Variants in TCF7L1 observed in about 807,000 individuals in gnomAD.
TCF7L1 encodes the protein transcription factor 7 like 1, also known as transcription factor 7-like 1.
TCF7L1 carries 18 observed loss-of-function variants against 63.7 expected under a neutral mutation model. The observed-to-expected ratio is 0.28, with a 90% CI of 0.20 to 0.42. The LOEUF (loss-of-function observed/expected upper bound fraction) is 0.42. TCF7L1 is among the 10% of genes least tolerant of loss of function. The probability of loss-of-function intolerance (pLI) is 1.00; values close to 1 mark genes in which losing one functional copy is unlikely to be tolerated. For synonymous variants in TCF7L1, 355 were observed against 340.9 expected (o/e 1.04, Z -0.46); for missense variants, 654 against 779.3 (o/e 0.84, Z 1.91).
intron 3 of TCF7L1, among the ~76,000 whole-genome samples, chr2:85,193,517 T>TA (rs1204783245): frequency 1.3e-5 from 2 of 152,156 alleles, no homozygotes; most frequent in African/African-American, 4.8e-5. Flanking sequence ...AGACCTCATG[T>TA]CTATATTTAA....
At chr2:85,141,368 A>G (rs1677733102) in intron 3 of TCF7L1, among the ~76,000 whole-genome samples, 1 of 152,224 alleles carries the variant, frequency 6.6e-6, no homozygotes, top group African/African-American at 2.4e-5. Flanking sequence ...ACATTAGCTC[A>G]GTGCTTCCCA....
intron 3 of TCF7L1, among the ~76,000 whole-genome samples, chr2:85,237,118 T>C (rs879897019): frequency 3.3e-5 from 5 of 152,182 alleles, no homozygotes; most frequent in Admixed American, 3.3e-4. Flanking sequence ...GAGGTGGTGA[T>C]CATTTGGAGC....
intron 3 of TCF7L1, among the ~76,000 whole-genome samples, chr2:85,185,885 A>T (rs1160189238): frequency 6.6e-6 from 1 of 151,190 alleles, no homozygotes; most frequent in East Asian, 1.9e-4. Flanking sequence ...GCCTCATTTA[A>T]CTTGAGACTT....
At chr2:85,278,863 A>G (rs1386432581) in intron 3 of TCF7L1, among the ~76,000 whole-genome samples, 2 of 152,188 alleles carry the variant, frequency 1.3e-5, no homozygotes, top group Non-Finnish European at 2.9e-5. Context: ...TCTATTTTTG[A>G]GCATCCAAAA....
At chr2:85,192,070 G>T (rs1020072594) in intron 3 of TCF7L1, among the ~76,000 whole-genome samples, 1 of 152,180 alleles carries the variant, frequency 6.6e-6, no homozygotes, top group Non-Finnish European at 1.5e-5. Flanking sequence ...CATAGGGCTG[G>T]GTGTTCCAGC....
intron 3 of TCF7L1, among the ~76,000 whole-genome samples, chr2:85,143,817 T>C (rs542545887): frequency 6.6e-6 from 1 of 152,368 alleles, no homozygotes; most frequent in Non-Finnish European, 1.5e-5. Flanking sequence ...GTTCCAACTT[T>C]ACACATTGGA....
chr2:85,224,346 T>C (rs2104304558), intron 3 of TCF7L1, among the ~76,000 whole-genome samples: 1 of 152,330 alleles, frequency 6.6e-6, no homozygotes, highest in Admixed American at 6.5e-5. Context: ...TAGTTCTAGA[T>C]CCTTGAGGAA....
At chr2:85,172,755 T>C (rs968841289) in intron 3 of TCF7L1, among the ~76,000 whole-genome samples, 2 of 152,056 alleles carry the variant, frequency 1.3e-5, no homozygotes, top group Non-Finnish European at 2.9e-5. Context: ...CTTTCACAAC[T>C]GCAGGCTTGC....
chr2:85,133,816 G>C lies in TCF7L1; in HGVS notation c.132G>C (p.Glu44Asp), dbSNP rs1237765135. 4.8e-6 allele frequency: 7 copies of C among 1,471,064 alleles called. No homozygotes were observed. The highest frequency in any genetic ancestry group is 1.5e-5 in the African/African-American group (1 of 68,380). 91.1% of individuals were successfully genotyped at this position (1,471,064 alleles called of 1,614,324 possible). A position where few individuals can be genotyped will look rare whatever the true frequency, so the allele number is the denominator to read the frequency against. The part of the protein sequence containing the change: ...ANDELIPFQD[E>D]GGEEQEPSSD... ...ACGAGCTGATCCCCTTCCAGGACGA[G>C]GGGGGCGAGGAGCAGGAGCCGAGCA... The change falls in exon 1 of 12, where the codon GAG (glutamate) becomes GAC (aspartate). Residue 44 changes from glutamate to aspartate, a missense_variant. Transcript: ENST00000282111. This position sits in a 1 kb window ranked among gnomAD's most constrained non-coding sequence, Gnocchi z 4.4.
At position 85,133,696 on chromosome 2, in the gene TCF7L1, CGGCGGCGGG is replaced by C. The variant is rs1261990618; in HGVS notation, c.21_29del (p.Gly12_Gly14del). ...CCCGCGGCCCCACCATGCCCCAGCT[CGGCGGCGGG>C]GGCGGCGGCGGCGGCGGCGGCAGCG... On this transcript the variant is annotated inframe_deletion, in exon 1 of 12. Transcript: ENST00000282111. The surrounding 1 kb of genome is among the most constrained non-coding windows in gnomAD (Gnocchi z 4.4). 8.0e-6 allele frequency: 8 copies of C among 1,001,256 alleles called. No homozygotes were observed. Among genetic ancestry groups the C allele is most frequent in the Non-Finnish European group, 9.5e-6 (8 of 846,290 alleles). 62.0% of individuals were successfully genotyped at this position (1,001,256 alleles called of 1,614,324 possible).
At chr2:85,275,691 G>A (rs1199665490) in intron 3 of TCF7L1, among the ~76,000 whole-genome samples, 1 of 152,030 alleles carries the variant, frequency 6.6e-6, no homozygotes, top group Admixed American at 6.6e-5. Context: ...GGTGAAGGCG[G>A]GCAGATCACT....
chr2:85,286,786 C>T (rs377390316), intron 4 of TCF7L1, among the ~76,000 whole-genome samples: 7 of 152,138 alleles, frequency 4.6e-5, no homozygotes, highest in Non-Finnish European at 8.8e-5. Flanking sequence ...TGAGCCACTG[C>T]GCCTGGCCAA....
chr2:85,146,497 C>CTTTTTTTTTTTTTTTTTT (rs554058692), intron 3 of TCF7L1, among the ~76,000 whole-genome samples: 10 of 103,612 alleles, frequency 9.7e-5, no homozygotes, highest in Non-Finnish European at 1.5e-4. Context: ...TTCTTTCTTT[C>CTTTTTTTTTTTTTTTTTT]TTTTTTTTTT....
Position 85,172,209 on chromosome 2 carries a change from A to G in TCF7L1, c.441+37759A>G, listed in dbSNP as rs553777789. 2.0e-4 allele frequency among the ~76,000 whole-genome samples: 31 copies of G among 152,216 alleles called. No homozygotes were observed. In the South Asian group the frequency reaches 6.4e-3, roughly 32 times the overall value. ...GTATACCAACAAGCATCAGACAATGATGTTAGGGCCATGGGGTGCCATTGA... is the reference window on the plus strand; with the variant it reads ...GTATACCAACAAGCATCAGACAATGGTGTTAGGGCCATGGGGTGCCATTGA... On this transcript the variant is annotated intron_variant, in intron 3 of 11. Coordinates refer to ENST00000282111, the MANE Select transcript of TCF7L1 (RefSeq NM_031283.3).
At position 85,134,147 on chromosome 2, in the gene TCF7L1, C is replaced by G; in HGVS notation, c.313+68C>G. On this transcript the variant is annotated intron_variant, in intron 2 of 11. Coordinates refer to ENST00000282111, the MANE Select transcript of TCF7L1 (RefSeq NM_031283.3). The surrounding 1 kb of genome is among the most constrained non-coding windows in gnomAD (Gnocchi z 5.0). ...GCGCTCCGCTGCTCAGCCCGGGCGG[C>G]CCACCGTCCCCCTTGCTTGGGTGGA... 6.4e-7 allele frequency: 1 copy of G among 1,571,570 alleles called. No homozygotes were observed. The highest frequency in any genetic ancestry group is 8.6e-7 in the Non-Finnish European group (1 of 1,156,618).
chr2:85,217,988 C>G lies in TCF7L1; in HGVS notation c.442-65507C>G, dbSNP rs141774204. On this transcript the variant is annotated intron_variant, in intron 3 of 11. Transcript: ENST00000282111. ...TCAAAATAATTTTTTTCTTTTTTGT[C>G]TCCTTCACTAGACCATGGAATTCCT... 2.9e-4 allele frequency among the ~76,000 whole-genome samples: 44 copies of G among 151,940 alleles called. No individual in the cohort carries two copies. The Middle Eastern group carries it at 0.017, about 59-fold the overall frequency.
chr2:85,231,007 C>G (rs1383369294), intron 3 of TCF7L1, among the ~76,000 whole-genome samples: 1 of 152,144 alleles, frequency 6.6e-6, no homozygotes, highest in Non-Finnish European at 1.5e-5. Flanking sequence ...GAATAATGCT[C>G]TATTTAGAGA....
chr2:85,210,565 G>A (rs150946634), intron 3 of TCF7L1, among the ~76,000 whole-genome samples: 101 of 152,346 alleles, frequency 6.6e-4, no homozygotes, highest in Non-Finnish European at 1.2e-3. Context: ...TTGTCCAGGG[G>A]AGGAAGAGGT....
intron 3 of TCF7L1, among the ~76,000 whole-genome samples, chr2:85,225,965 TA>T (rs1679945560): frequency 6.6e-6 from 1 of 152,254 alleles, no homozygotes; most frequent in African/African-American, 2.4e-5. Flanking sequence ...ATACCTAGTT[TA>T]TTGAGAGTTT....
Sources: allele counts gnomAD v4.1 joint callset (sites outside exome capture counted in the v4.1 genomes callset), GRCh38; gene constraint gnomAD v4.1.1; non-coding constraint Gnocchi (gnomAD v3.1); transcripts MANE v1.5; gene names NCBI Gene and HGNC (gene_info 2026-07-23, HGNC 2026-07-21).